Variants in MDH1 observed in about 807,000 individuals in gnomAD.
The protein encoded by MDH1 is malate dehydrogenase 1, also known as malate dehydrogenase, cytoplasmic.
Under a neutral mutation model 38.7 loss-of-function variants are expected in MDH1, and 15 were observed. The observed-to-expected ratio is 0.39, with a 90% CI of 0.26 to 0.60. The LOEUF is 0.60. Ranked by LOEUF, MDH1 falls within the 20% of genes least tolerant of loss-of-function variation. The pLI is 0.56. For missense variants in MDH1, 368 were observed against 405.2 expected (o/e 0.91, Z 0.79); for synonymous variants, 144 against 143.6 (o/e 1.00, Z -0.02).
At chr2:63,594,464 G>A (rs1202608984) in intron 1 of MDH1, 24 bp from the exon 2 acceptor site, 9 of 1,530,698 alleles carry the variant, frequency 5.9e-6, no homozygotes, top group Non-Finnish European at 7.2e-6. Flanking sequence ...ACTTAAAGAT[G>A]TTAATGGGTC....
chr2:63,589,080 G>A (rs763584687), intron 1 of MDH1, 34 bp downstream of exon 1: 1 of 1,614,222 alleles, frequency 6.2e-7, no homozygotes, highest in Non-Finnish European at 8.5e-7. Flanking sequence ...GCCCACCTCT[G>A]GCCCTCGCGC....
chr2:63,591,394 G>T (rs1038843664), intron 1 of MDH1, among the ~76,000 whole-genome samples: 3 of 152,192 alleles, frequency 2.0e-5, no homozygotes, highest in Non-Finnish European at 2.9e-5. Flanking sequence ...ACCTACCTGG[G>T]AAAGTAATTT....
At chr2:63,589,229 C>T in intron 1 of MDH1, 183 bp downstream of exon 1, 3 of 1,561,656 alleles carry the variant, frequency 1.9e-6, no homozygotes, top group Non-Finnish European at 2.6e-6. Context: ...GGATTGATTT[C>T]CACCTTGCGG....
chr2:63,589,092 C>G (rs1434649798), intron 1 of MDH1, 46 bp downstream of exon 1: 1 of 1,614,170 alleles, frequency 6.2e-7, no homozygotes, highest in African/African-American at 1.3e-5. Context: ...CCCTCGCGCC[C>G]TTGAGTGGGG....
chr2:63,593,429 A>T, intron 1 of MDH1: 1 of 359,012 alleles, frequency 2.8e-6, no homozygotes, highest in Non-Finnish European at 5.8e-6. Context: ...TTTTTCTTTG[A>T]CTTCTATGAG....
chr2:63,602,828 T>C lies in MDH1; in HGVS notation c.499-1868T>C, dbSNP rs528421623. ...TCTTTTTCACTCAGTTTAATGCCTT[T>C]AAGATCCATCCAGGTTGTTGTTTGT... is the stretch of plus-strand genomic sequence containing the variant. On this transcript the variant is annotated intron_variant, in intron 5 of 8. Transcript: ENST00000233114. Among the ~76,000 whole-genome samples, 17 of 152,326 alleles carry C rather than the reference T, an allele frequency of 1.1e-4. No homozygotes were observed. In the South Asian group the frequency reaches 3.5e-3, roughly 32 times the overall value.
chr2:63,605,470 C>A (rs769474040), intron 7 of MDH1, 77 bp downstream of exon 7: 6 of 1,026,438 alleles, frequency 5.8e-6, no homozygotes, highest in Admixed American at 2.0e-5. Flanking sequence ...AAGAATATAG[C>A]CTTAGCAGTC....
Position 63,605,243 on chromosome 2 carries a change from C to G in MDH1, c.676-37C>G, listed in dbSNP as rs1272182975. The G allele has an allele frequency of 2.2e-6, 3 of 1,366,432 alleles. No individual in the cohort carries two copies. The South Asian group carries it at 3.5e-5, about 16-fold the overall frequency. The allele number at this position is 1,366,432 out of a possible 1,614,324, so 84.6% of individuals were successfully genotyped here. ...TTAATGAAAACTTTGCTATCATGAC[C>G]AAGTAATACTGCTGCCTTCACCTGC... On this transcript the variant is annotated intron_variant, in intron 6 of 8. Transcript: ENST00000233114.
chr2:63,596,762 T>C (rs1709320535), intron 3 of MDH1, among the ~76,000 whole-genome samples: 1 of 152,222 alleles, frequency 6.6e-6, no homozygotes, highest in Non-Finnish European at 1.5e-5. Flanking sequence ...ACTTATGTTC[T>C]TTAGTCAAAA....
Position 63,594,569 on chromosome 2 carries a change from G to C in MDH1, c.85G>C (p.Val29Leu). The stretch of plus-strand genomic sequence containing the variant: ...GCTGTACAGTATTGGAAATGGATCT[G>C]TCTTTGGTAAAGATCAGGTAGGAAC... ...SLLYSIGNGS[V>L]FGKDQPIILV... Residue 29 changes from valine (V) to leucine (L), a missense_variant, in exon 2 of 9, where the codon GTC becomes CTC. By Grantham distance (32) the Val-to-Leu change is conservative. Coordinates refer to ENST00000233114, the MANE Select transcript of MDH1 (RefSeq NM_005917.4). 4 of 1,612,148 alleles carry C rather than the reference G, an allele frequency of 2.5e-6. No individual in the cohort carries two copies. The highest frequency in any genetic ancestry group is 3.4e-6 in the Non-Finnish European group (4 of 1,178,286).
In MDH1 at chr2:63,589,195, C is replaced by T. The variant is rs1709094681; in HGVS notation, c.3+149C>T. ...GCTCGGACTCATCTTCTGGGGATTG[C>T]CGCAGTGACCCAGTAATGGGAAGGG... On this transcript the variant is annotated intron_variant, in intron 1 of 8. Coordinates refer to ENST00000233114, the MANE Select transcript of MDH1 (RefSeq NM_005917.4). 1.1e-5 allele frequency: 17 copies of T among 1,595,790 alleles called. No individual in the cohort carries two copies. In the South Asian group the frequency reaches 1.6e-4, roughly 15 times the overall value.
intron 5 of MDH1, among the ~76,000 whole-genome samples, chr2:63,603,107 A>G (rs1709459569): frequency 6.6e-6 from 1 of 151,674 alleles, no homozygotes; most frequent in South Asian, 2.1e-4. Context: ...TTACAGGCAC[A>G]CGCTGCCACA....
intron 1 of MDH1, among the ~76,000 whole-genome samples, chr2:63,592,119 A>G (rs1465784942): frequency 1.3e-5 from 2 of 152,178 alleles, no homozygotes; most frequent in East Asian, 3.8e-4. Context: ...GTGATTCACC[A>G]ATGGATTCCC....
At chr2:63,601,462 TG>T (rs1709417079) in intron 5 of MDH1, among the ~76,000 whole-genome samples, 1 of 152,238 alleles carries the variant, frequency 6.6e-6, no homozygotes, top group African/African-American at 2.4e-5. Context: ...CCAGTTAGCT[TG>T]TAAGAAAATT....
chr2:63,594,310 TTAAA>T (rs752218688), intron 1 of MDH1, 174 bp from the exon 2 acceptor site: 22 of 712,678 alleles, frequency 3.1e-5, no homozygotes, highest in East Asian at 2.5e-4. Flanking sequence ...ATGGTGAGAG[TTAAA>T]TAACACCACG....
At chr2:63,603,655 C>CTTTTTTTT (rs11297982) in intron 5 of MDH1, among the ~76,000 whole-genome samples, 2 of 99,112 alleles carry the variant, frequency 2.0e-5, no homozygotes, top group Non-Finnish European at 3.8e-5. Flanking sequence ...CAAGACATTT[C>CTTTTTTTT]TTTTTTTTTT....
intron 5 of MDH1, among the ~76,000 whole-genome samples, chr2:63,604,171 C>T (rs1709483953): frequency 6.6e-6 from 1 of 152,154 alleles, no homozygotes; most frequent in Non-Finnish European, 1.5e-5. Flanking sequence ...ACAGTCATAT[C>T]TTGGTAATTT....
At position 63,607,116 on chromosome 2, in the gene MDH1, G is replaced by T. The variant is rs1260999131; in HGVS notation, c.*129G>T. On this transcript the variant is annotated 3_prime_UTR_variant, in exon 9 of 9. Transcript: ENST00000233114. ...AAACAACACATTTTAAAGATTACGT[G>T]CTTCTTGGTACAGGTTTGTGAATGA... is the stretch of plus-strand genomic sequence containing the variant. 6 of 884,768 alleles carry T rather than the reference G, an allele frequency of 6.8e-6. No individual in the cohort carries two copies. In the African/African-American group the frequency reaches 8.6e-5, roughly 13 times the overall value. The allele number at this position is 884,768 out of a possible 1,614,324, so 54.8% of individuals were successfully genotyped here.
At position 63,607,155 on chromosome 2, in the gene MDH1, T is replaced by C. The variant is rs1709549490; in HGVS notation, c.*168T>C. 6.0e-6 allele frequency: 3 copies of C among 497,740 alleles called. No individual in the cohort carries two copies. Among genetic ancestry groups the C allele is most frequent in the Non-Finnish European group, 6.8e-6 (2 of 293,442 alleles). The allele number at this position is 497,740 out of a possible 1,614,324, so 30.8% of individuals were successfully genotyped here. ...GTTTGTGAATGACAGTTTATCGTCA[T>C]GCTGTTAGTGTGCATTCTAAATAAA... On this transcript the variant is annotated 3_prime_UTR_variant, in exon 9 of 9. Transcript: ENST00000233114.
Sources: allele counts gnomAD v4.1 joint callset (sites outside exome capture counted in the v4.1 genomes callset), GRCh38; gene constraint gnomAD v4.1.1; transcripts MANE v1.5; gene names NCBI Gene and HGNC (gene_info 2026-07-23, HGNC 2026-07-21).